Variants in GRM7 observed in about 807,000 individuals in gnomAD.
GRM7 encodes metabotropic glutamate receptor 7.
In GRM7, 35 loss-of-function variants were observed where a neutral mutation model predicts 84.5. The observed-to-expected ratio is 0.41, with a 90% confidence interval of 0.32 to 0.55. The LOEUF (loss-of-function observed/expected upper bound fraction) is 0.55, where lower values mean the gene tolerates loss of function less well. Among genes scored for constraint, GRM7 ranks in the 20% least tolerant of loss-of-function variants. The pLI, the probability that GRM7 is intolerant of heterozygous loss-of-function variation, is 0.19. For missense variants in GRM7, 1,003 were observed against 1,194.6 expected (o/e 0.84, Z 2.36); for synonymous variants, 487 against 455.1 (o/e 1.07, Z -0.89).
At chr3:7,401,944 A>T (rs1695469768) in intron 4 of GRM7, among the ~76,000 whole-genome samples, 1 of 152,190 alleles carries the variant, frequency 6.6e-6, no homozygotes, top group African/African-American at 2.4e-5. Context: ...GAATAAATGG[A>T]TGTCCTATAG....
chr3:7,340,494 A>G (rs943709953), intron 4 of GRM7, among the ~76,000 whole-genome samples: 1 of 152,054 alleles, frequency 6.6e-6, no homozygotes, highest in African/African-American at 2.4e-5. Flanking sequence ...TGAGAACAGT[A>G]TGGGAGAAAT....
At chr3:7,673,594 T>C (rs1292311283) in intron 8 of GRM7, among the ~76,000 whole-genome samples, 3 of 151,752 alleles carry the variant, frequency 2.0e-5, no homozygotes, top group Admixed American at 1.3e-4. Context: ...AAGAAACCCA[T>C]GAATACTACA....
intron 1 of GRM7, among the ~76,000 whole-genome samples, chr3:7,015,768 G>T (rs558773584): frequency 1.8e-4 from 27 of 152,294 alleles, no homozygotes; most frequent in Admixed American, 1.6e-3. Flanking sequence ...CACTGCATAG[G>T]AATGCTTGAG....
At chr3:6,988,761 G>A (rs1016963338) in intron 1 of GRM7, among the ~76,000 whole-genome samples, 1 of 152,172 alleles carries the variant, frequency 6.6e-6, no homozygotes, top group African/African-American at 2.4e-5. Flanking sequence ...TTCATAAGAA[G>A]TATAATTTCC....
Position 7,402,031 on chromosome 3 carries a change from G to C in GRM7, c.1034-12992G>C, listed in dbSNP as rs1037250914. On this transcript the variant is annotated intron_variant, in intron 4 of 9. Coordinates refer to ENST00000357716, the MANE Select transcript of GRM7 (RefSeq NM_000844.4). Reference sequence around the variant, plus strand: ...TACTTGAACATTGTTAAAAATGTAAGACTCTTTTCTCCCTCCATGTCTTTT... The same window carrying C: ...TACTTGAACATTGTTAAAAATGTAACACTCTTTTCTCCCTCCATGTCTTTT... 3.9e-5 allele frequency among the ~76,000 whole-genome samples: 6 copies of C among 152,118 alleles called. No homozygotes were observed. The East Asian group carries it at 5.8e-4, about 15-fold the overall frequency.
chr3:7,628,749 G>C (rs774479748), intron 8 of GRM7, among the ~76,000 whole-genome samples: 1 of 152,174 alleles, frequency 6.6e-6, no homozygotes, highest in African/African-American at 2.4e-5. Flanking sequence ...GGAAGGATAA[G>C]AAGTGAAAGC....
intron 8 of GRM7, among the ~76,000 whole-genome samples, chr3:7,643,120 C>T (rs1011814817): frequency 2.6e-5 from 4 of 152,136 alleles, no homozygotes; most frequent in African/African-American, 7.2e-5. Flanking sequence ...GATCCCTATA[C>T]GCCATACTTG....
At chr3:7,322,937 C>A (rs915894449) in intron 4 of GRM7, among the ~76,000 whole-genome samples, 58 of 152,238 alleles carry the variant, frequency 3.8e-4, no homozygotes, top group African/African-American at 1.4e-3. Context: ...CTCTGATTGA[C>A]TTCCTTAGAA....
intron 1 of GRM7, among the ~76,000 whole-genome samples, chr3:7,036,415 G>A (rs1464172617): frequency 2.0e-5 from 3 of 152,144 alleles, no homozygotes; most frequent in Non-Finnish European, 4.4e-5. Flanking sequence ...GGCATGAACA[G>A]TAATTTTGAA....
intron 6 of GRM7, among the ~76,000 whole-genome samples, chr3:7,461,098 A>G (rs1348929088): frequency 6.6e-6 from 1 of 152,348 alleles, no homozygotes; most frequent in Middle Eastern, 3.4e-3. Context: ...AGAAAAGTAC[A>G]TTTAAATACA....
At chr3:7,215,288 C>T (rs958159062) in intron 2 of GRM7, among the ~76,000 whole-genome samples, 1 of 152,162 alleles carries the variant, frequency 6.6e-6, no homozygotes, top group African/African-American at 2.4e-5. Context: ...TGTTCTGATG[C>T]TGCCCTTACT....
At chr3:6,938,104 T>C (rs1697753244) in intron 1 of GRM7, among the ~76,000 whole-genome samples, 1 of 152,188 alleles carries the variant, frequency 6.6e-6, no homozygotes, top group South Asian at 2.1e-4. Context: ...TTCATTCAAC[T>C]CCTTTAGGCC....
intron 4 of GRM7, among the ~76,000 whole-genome samples, chr3:7,316,832 T>C (rs1387460772): frequency 6.6e-6 from 1 of 152,108 alleles, no homozygotes; most frequent in Non-Finnish European, 1.5e-5. Flanking sequence ...GGAAACAAAA[T>C]TCAATTTTGT....
chr3:7,671,318 T>C (rs1302835249), intron 8 of GRM7, among the ~76,000 whole-genome samples: 1 of 152,018 alleles, frequency 6.6e-6, no homozygotes, highest in Non-Finnish European at 1.5e-5. Context: ...TCCAAGGATG[T>C]GGTCAATTGG....
chr3:7,350,122 T>C (rs1253246199), intron 4 of GRM7, among the ~76,000 whole-genome samples: 1 of 152,144 alleles, frequency 6.6e-6, no homozygotes, highest in East Asian at 1.9e-4. Flanking sequence ...TGTTGTTTTG[T>C]ATTGTTTCAA....
intron 9 of GRM7, among the ~76,000 whole-genome samples, chr3:7,718,165 G>A (rs1701830407): frequency 6.6e-6 from 1 of 152,174 alleles, no homozygotes; most frequent in Admixed American, 6.5e-5. Flanking sequence ...TCTTCTCAGG[G>A]AGTTGATGAG....
chr3:7,000,049 G>T (rs1015083641), intron 1 of GRM7, among the ~76,000 whole-genome samples: 5 of 151,928 alleles, frequency 3.3e-5, no homozygotes, highest in African/African-American at 1.2e-4. Context: ...TATGCTGTAT[G>T]AATATAACAC....
intron 7 of GRM7, among the ~76,000 whole-genome samples, chr3:7,507,029 A>G (rs1700060487): frequency 6.6e-6 from 1 of 152,206 alleles, no homozygotes; most frequent in South Asian, 2.1e-4. Context: ...AGCTTCTACA[A>G]GCATAGACCT....
chr3:7,029,318 A>AC (rs201307408), intron 1 of GRM7, among the ~76,000 whole-genome samples: 40,131 of 120,780 alleles, frequency 0.33, 6,070 homozygotes, highest in South Asian at 0.45. Flanking sequence ...AAAAAAACAA[A>AC]AAAAAAAAAC....
Sources: gnomAD v4.1 joint callset for allele counts (sites outside exome capture counted in the v4.1 genomes callset) on GRCh38, gnomAD v4.1.1 for gene constraint, MANE v1.5 for transcripts, NCBI Gene and HGNC (gene_info 2026-07-23, HGNC 2026-07-21) for gene names.